The following CCDC102B variants were observed in gnomAD, a reference collection of about 807,000 sequenced individuals.
CCDC102B encodes coiled-coil domain containing 102B.
Under a neutral mutation model 57.4 loss-of-function variants are expected in CCDC102B, and 75 were observed. That is an observed-to-expected ratio of 1.31 (90% CI 1.08 to 1.58). CCDC102B has a LOEUF of 1.58. CCDC102B is among the 40% of genes most tolerant of loss of function. The pLI is 0.00. For synonymous variants in CCDC102B, 206 were observed against 201.9 expected (o/e 1.02, Z -0.17); for missense variants, 636 against 582.6 (o/e 1.09, Z -0.94).
At chr18:68,890,935 G>A in intron 5 of CCDC102B, among the ~76,000 whole-genome samples, 1 of 152,162 alleles carries the variant, frequency 6.6e-6, no homozygotes, top group Middle Eastern at 3.4e-3. Context: ...ACTATTATCT[G>A]TTTATTAATC....
intron 5 of CCDC102B, among the ~76,000 whole-genome samples, chr18:68,883,206 G>A (rs1191985460): frequency 1.3e-5 from 2 of 151,998 alleles, no homozygotes; most frequent in East Asian, 3.9e-4. Flanking sequence ...GGATCATGAG[G>A]TCAGGAGTTG....
chr18:68,832,688 G>T (rs1280376156), intron 1 of CCDC102B, among the ~76,000 whole-genome samples: 1 of 150,968 alleles, frequency 6.6e-6, no homozygotes, highest in Non-Finnish European at 1.5e-5. Flanking sequence ...GGCCACTAAG[G>T]GATCTAGAAT....
chr18:68,984,925 AATTACAT>A (rs2050685925), intron 6 of CCDC102B, among the ~76,000 whole-genome samples: 2 of 152,294 alleles, frequency 1.3e-5, no homozygotes, highest in South Asian at 4.1e-4. Context: ...CCATCTAGAT[AATTACAT>A]TTTAATTAGA....
intron 7 of CCDC102B, among the ~76,000 whole-genome samples, chr18:69,021,678 C>T (rs1053089875): frequency 6.6e-6 from 1 of 152,128 alleles, no homozygotes; most frequent in Non-Finnish European, 1.5e-5. Flanking sequence ...AAATGCTCGA[C>T]AGCTATTTGG....
rs185935976 is a variant in CCDC102B at position 68,769,184 on chromosome 18, C to T, written c.-67+52590C>T. 3.4e-3 allele frequency among the ~76,000 whole-genome samples: 509 copies of T among 149,394 alleles called. 1 individual carries two copies. Among genetic ancestry groups the T allele is most frequent in the African/African-American group, 0.01 (414 of 40,444 alleles). On this transcript the variant is annotated intron_variant, in intron 2 of 3. Coordinates refer to the CCDC102B transcript ENST00000578970. The stretch of plus-strand genomic sequence containing the variant: ...AGGAGAATGGCTTGAACCTGGGAGG[C>T]GGAGGCTGCGGTGAGCCGAAATCGT...
chr18:68,987,268 A>G (rs889936019), intron 6 of CCDC102B, among the ~76,000 whole-genome samples: 1 of 152,192 alleles, frequency 6.6e-6, no homozygotes, highest in Non-Finnish European at 1.5e-5. Context: ...ATAAAGCTAT[A>G]TACCTACAAC....
At chr18:68,802,147 T>G (rs2035878202) in intron 1 of CCDC102B, among the ~76,000 whole-genome samples, 1 of 152,170 alleles carries the variant, frequency 6.6e-6, no homozygotes. Context: ...AACCTGTTCC[T>G]AATTTGGAGC....
At chr18:68,911,560 G>A (rs2040853806) in intron 6 of CCDC102B, among the ~76,000 whole-genome samples, 1 of 149,980 alleles carries the variant, frequency 6.7e-6, no homozygotes, top group African/African-American at 2.5e-5. Context: ...AGACCATCCT[G>A]GCTAACACGG....
intron 4 of CCDC102B, among the ~76,000 whole-genome samples, chr18:68,847,093 TAAAGA>T (rs1317423939): frequency 6.6e-6 from 1 of 151,648 alleles, no homozygotes; most frequent in East Asian, 1.9e-4. Context: ...GAATAATGAG[TAAAGA>T]AAAGAAAAAT....
At position 69,054,470 on chromosome 18, in the gene CCDC102B, A is replaced by G. The variant is rs1010890108; in HGVS notation, c.*333A>G. ...TAAGAAAAAGTAAGTTGAAAACCAT[A>G]CAAGACGCTGGGTCATTAATAAGAA... On this transcript the variant is annotated 3_prime_UTR_variant, in exon 8 of 8. Transcript: ENST00000360242. The G allele has an allele frequency of 9.8e-7, 1 of 1,019,846 alleles. No homozygotes were observed. The highest frequency in any genetic ancestry group is 1.2e-6 in the Non-Finnish European group (1 of 852,810). 63.2% of individuals were successfully genotyped at this position (1,019,846 alleles called of 1,614,324 possible). A position where few individuals can be genotyped will look rare whatever the true frequency, so the allele number is the denominator to read the frequency against.
upstream of CCDC102B, among the ~76,000 whole-genome samples, chr18:68,795,563 T>C (rs2035602089): frequency 6.6e-6 from 1 of 152,076 alleles, no homozygotes; most frequent in African/African-American, 2.4e-5. Flanking sequence ...TGGTTGGCAA[T>C]CCTTGGTTTG....
chr18:68,878,075 G>A (rs1167068970), intron 5 of CCDC102B, among the ~76,000 whole-genome samples: 5 of 152,172 alleles, frequency 3.3e-5, no homozygotes, highest in African/African-American at 1.2e-4. Flanking sequence ...TTTGGAATAT[G>A]ATTTGTTCTA....
Position 68,766,379 on chromosome 18 carries a change from A to G in CCDC102B, c.-67+49785A>G, listed in dbSNP as rs147990369. Among the ~76,000 whole-genome samples, 67 of 152,294 alleles carry G rather than the reference A, an allele frequency of 4.4e-4. No homozygotes were observed. In the East Asian group the frequency reaches 9.8e-3, roughly 22 times the overall value. On this transcript the variant is annotated intron_variant, in intron 2 of 3. Coordinates refer to the CCDC102B transcript ENST00000578970. ...ATATGTCCATATATCATTCCCTAAA[A>G]TCAGGTCTTACAGTTTTTAGTTAAT...
At position 69,054,086 on chromosome 18, in the gene CCDC102B, A is replaced by G. The variant is rs2052773598; in HGVS notation, c.1491A>G (p.Lys497=). The G allele has an allele frequency of 1.9e-6, 3 of 1,607,548 alleles. No individual in the cohort carries two copies. Among genetic ancestry groups the G allele is most frequent in the Admixed American group, 3.4e-5 (2 of 58,342 alleles). ...RKLQRSLDEE[K]ERNENLETEL... ...TCCAGAGGTCTCTGGATGAAGAGAA[A>G]GAAAGAAATGAAAACTTAGAGACTG... The change falls in exon 8 of 8, where the codon AAA becomes AAG. Residue 497 remains lysine (K), a synonymous_variant. Coordinates refer to ENST00000360242, the MANE Select transcript of CCDC102B (RefSeq NM_024781.3).
intron 6 of CCDC102B, among the ~76,000 whole-genome samples, chr18:68,942,780 C>T (rs2049415988): frequency 6.6e-6 from 1 of 151,636 alleles, no homozygotes; most frequent in African/African-American, 2.4e-5. Flanking sequence ...GCAAAGAGGC[C>T]TTCCTCTTTC....
At position 68,838,786 on chromosome 18, in the gene CCDC102B, T is replaced by C; in HGVS notation, c.687T>C (p.Asn229=). ...PNLDGVDLFN[N]GGSGNGETKT... ...TAGATGGTGTTGATTTATTCAACAATGGTGGTTCTGGAAACGGTGAAACGA... is the reference window on the plus strand; with the variant it reads ...TAGATGGTGTTGATTTATTCAACAACGGTGGTTCTGGAAACGGTGAAACGA... Residue 229 remains asparagine, a synonymous_variant, in exon 3 of 8, where the codon AAT becomes AAC. Coordinates refer to ENST00000360242, the MANE Select transcript of CCDC102B (RefSeq NM_024781.3). The C allele has an allele frequency of 6.2e-7, 1 of 1,614,028 alleles. No individual in the cohort carries two copies. The highest frequency in any genetic ancestry group is 1.3e-5 in the African/African-American group (1 of 75,054).
chr18:68,724,481 C>T (rs868723345), intron 2 of CCDC102B, among the ~76,000 whole-genome samples: 4 of 152,144 alleles, frequency 2.6e-5, no homozygotes, highest in African/African-American at 4.8e-5. Context: ...TTTCTTCCAC[C>T]AGATACCCTA....
chr18:69,008,110 G>C (rs2051402165), intron 6 of CCDC102B, among the ~76,000 whole-genome samples: 1 of 152,148 alleles, frequency 6.6e-6, no homozygotes, highest in Non-Finnish European at 1.5e-5. Flanking sequence ...TGAATTATTT[G>C]TGCAGCAAAT....
At chr18:68,797,456 A>G (rs1169127563), upstream of CCDC102B, among the ~76,000 whole-genome samples, 1 of 151,972 alleles carries the variant, frequency 6.6e-6, no homozygotes, top group Non-Finnish European at 1.5e-5. Context: ...ACTTCCTGAC[A>G]GCTGAGTCAT....
Sources: gnomAD v4.1 joint callset for allele counts (sites outside exome capture counted in the v4.1 genomes callset) on GRCh38, gnomAD v4.1.1 for gene constraint, MANE v1.5 for transcripts, NCBI Gene and HGNC (gene_info 2026-07-23, HGNC 2026-07-21) for gene names.